Variants in ACTR3C observed in about 807,000 individuals in gnomAD.
The protein encoded by ACTR3C is actin related protein 3C, also known as actin-related protein 3C.
ACTR3C carries 18 observed loss-of-function variants against 26.3 expected under a neutral mutation model. That is an observed-to-expected ratio of 0.68 (90% CI 0.47 to 1.01). The LOEUF (loss-of-function observed/expected upper bound fraction) is 1.01. Ranked by LOEUF, ACTR3C falls within the 50% of genes least tolerant of loss-of-function variation. The probability of loss-of-function intolerance (pLI) is 0.00; values close to 1 mark genes in which losing one functional copy is unlikely to be tolerated. For missense variants in ACTR3C, 184 were observed against 250.7 expected, an observed-to-expected ratio of 0.73 and a Z score of 1.80; for synonymous variants, 55 against 94.5, an observed-to-expected ratio of 0.58 and a Z score of 2.42.
chr7:150,017,357 C>T, the ACTR3C span, among the ~76,000 whole-genome samples: 279 of 151,742 alleles, frequency 1.8e-3, 6 homozygotes, highest in African/African-American at 6.5e-3. Context: ...TATTTGGGAG[C>T]CCCTTCTGTT....
chr7:149,928,901 G>A, the ACTR3C span, among the ~76,000 whole-genome samples: 3 of 151,962 alleles, frequency 2.0e-5, no homozygotes, highest in Non-Finnish European at 4.4e-5. Flanking sequence ...AGCTTCACTT[G>A]GCAAAATCTG....
the ACTR3C span, among the ~76,000 whole-genome samples, chr7:150,206,161 A>G: frequency 6.6e-6 from 1 of 152,182 alleles, no homozygotes; most frequent in African/African-American, 2.4e-5. Context: ...CTCTTCTCCC[A>G]GTGGTCATCC....
intron 6 of ACTR3C, chr7:150,264,709 C>T: frequency 1.0e-6 from 1 of 973,100 alleles, no homozygotes; most frequent in Non-Finnish European, 1.2e-6. Context: ...CAACGGACCC[C>T]ACTTGGCCAT....
the ACTR3C span, among the ~76,000 whole-genome samples, chr7:149,914,593 A>C: frequency 5.5e-5 from 8 of 145,232 alleles, no homozygotes; most frequent in Non-Finnish European, 1.0e-4. Flanking sequence ...AAATAAACAA[A>C]CAGAAGTAGT....
At chr7:150,032,586 A>C in the ACTR3C span, among the ~76,000 whole-genome samples, 1 of 152,124 alleles carries the variant, frequency 6.6e-6, no homozygotes, top group East Asian at 1.9e-4. Context: ...ATGAGCTTAG[A>C]GCAGAAACTA....
the ACTR3C span, among the ~76,000 whole-genome samples, chr7:149,936,784 ATTTTAT>A: frequency 5.9e-5 from 9 of 152,072 alleles, no homozygotes; most frequent in Admixed American, 1.3e-4. Context: ...GATGTATTTT[ATTTTAT>A]TTTTATTTTT....
the ACTR3C span, among the ~76,000 whole-genome samples, chr7:150,038,072 C>T: frequency 7.2e-6 from 1 of 138,612 alleles, no homozygotes; most frequent in East Asian, 2.1e-4. Context: ...GAGTCCCCAC[C>T]TCGCGGGGGG....
the ACTR3C span, among the ~76,000 whole-genome samples, chr7:150,009,551 T>G: frequency 1.3e-5 from 2 of 152,252 alleles, no homozygotes; most frequent in South Asian, 4.1e-4. Context: ...TACCTGTGAG[T>G]TTCTTTGAGT....
chr7:149,986,919 C>A, the ACTR3C span, among the ~76,000 whole-genome samples: 865 of 141,134 alleles, frequency 6.1e-3, 7 homozygotes, highest in Admixed American at 7.7e-3. Context: ...TTCTGTTGCT[C>A]CCCCACCCTG....
At chr7:149,884,879 A>G in the ACTR3C span, among the ~76,000 whole-genome samples, 1 of 152,210 alleles carries the variant, frequency 6.6e-6, no homozygotes, top group African/African-American at 2.4e-5. Flanking sequence ...ACTGCACCCT[A>G]TGGGTTTAGG....
chr7:150,005,587 C>T, the ACTR3C span, among the ~76,000 whole-genome samples: 1 of 152,040 alleles, frequency 6.6e-6, no homozygotes, highest in African/African-American at 2.4e-5. Context: ...TGACACCGCC[C>T]TATCTCCTAA....
the ACTR3C span, among the ~76,000 whole-genome samples, chr7:150,159,182 A>G: frequency 5.8e-5 from 1 of 17,232 alleles, no homozygotes; most frequent in South Asian, 4.4e-3. Context: ...ACAAAGCTGG[A>G]AAAAAATATC....
chr7:150,133,507 C>T, the ACTR3C span, among the ~76,000 whole-genome samples: 1 of 152,128 alleles, frequency 6.6e-6, no homozygotes, highest in Non-Finnish European at 1.5e-5. Context: ...AGAGCTAAGT[C>T]ACATATCATG....
the ACTR3C span, among the ~76,000 whole-genome samples, chr7:150,102,781 T>C: frequency 6.6e-6 from 1 of 151,860 alleles, no homozygotes; most frequent in Non-Finnish European, 1.5e-5. Context: ...CCTCCCTTGA[T>C]TTTTCTCCTT....
the ACTR3C span, among the ~76,000 whole-genome samples, chr7:150,057,276 CTTTTTTTTT>C: frequency 8.8e-6 from 1 of 113,970 alleles, no homozygotes; most frequent in East Asian, 2.6e-4. Context: ...GGAATAGGTC[CTTTTTTTTT>C]TTTTTTTTTT....
At chr7:150,038,514 T>C in the ACTR3C span, among the ~76,000 whole-genome samples, 1 of 144,450 alleles carries the variant, frequency 6.9e-6, no homozygotes. Context: ...ATACTGCAGT[T>C]TGGGATCCAC....
At chr7:149,988,782 G>A in the ACTR3C span, among the ~76,000 whole-genome samples, 1 of 152,222 alleles carries the variant, frequency 6.6e-6, no homozygotes, top group Admixed American at 6.5e-5. Flanking sequence ...GTAGAGAACA[G>A]GGCTGAGGGA....
At chr7:149,928,821 C>A in the ACTR3C span, among the ~76,000 whole-genome samples, 1 of 151,222 alleles carries the variant, frequency 6.6e-6, no homozygotes, top group African/African-American at 2.4e-5. Context: ...TCAGCCTGGG[C>A]AACACAGCAA....
the ACTR3C span, among the ~76,000 whole-genome samples, chr7:150,139,310 G>C: frequency 1.3e-5 from 2 of 152,264 alleles, no homozygotes; most frequent in Non-Finnish European, 2.9e-5. Context: ...CTGTGCCTCT[G>C]CCCACTCTGC....
Sources: allele counts gnomAD v4.1 joint callset (sites outside exome capture counted in the v4.1 genomes callset), GRCh38; gene constraint gnomAD v4.1.1; transcripts MANE v1.5; gene names NCBI Gene and HGNC (gene_info 2026-07-23, HGNC 2026-07-21).